DYNC2H1: variants seen among roughly 807,000 people sequenced by gnomAD.
The protein encoded by DYNC2H1 is dynein cytoplasmic 2 heavy chain 1.
In DYNC2H1, 410 loss-of-function variants were observed where a neutral mutation model predicts 570.0. The observed-to-expected ratio is 0.72, with a 90% CI of 0.66 to 0.78. DYNC2H1 has a LOEUF of 0.78. Among genes scored for constraint, DYNC2H1 ranks in the 30% least tolerant of loss-of-function variants. The pLI, the probability that DYNC2H1 is intolerant of heterozygous loss-of-function variation, is 0.00. For missense variants in DYNC2H1, 4,865 were observed against 5,046.4 expected (o/e 0.96, Z 1.09); for synonymous variants, 1,688 against 1,677.6 (o/e 1.01, Z -0.15).
chr11:103,293,821 A>G (rs1866708382), intron 75 of DYNC2H1, among the ~76,000 whole-genome samples: 1 of 152,126 alleles, frequency 6.6e-6, no homozygotes, highest in Non-Finnish European at 1.5e-5. Context: ...TCACACCTGT[A>G]ATCTCAGCAC....
intron 48 of DYNC2H1, among the ~76,000 whole-genome samples, 171 bp downstream of exon 48, chr11:103,198,234 A>G (rs1862578697): frequency 6.6e-6 from 1 of 152,216 alleles, no homozygotes; most frequent in Admixed American, 6.5e-5. Context: ...ATGTGCCTGT[A>G]CTTACATAGA....
intron 70 of DYNC2H1, among the ~76,000 whole-genome samples, chr11:103,271,309 T>C (rs968460696): frequency 1.3e-5 from 2 of 152,168 alleles, no homozygotes; most frequent in South Asian, 4.1e-4. Flanking sequence ...TAGAATTGTA[T>C]CTAATCCTTT....
chr11:103,236,593 T>C lies in DYNC2H1; in HGVS notation c.9819+54T>C, dbSNP rs904087125. 13 of 959,158 alleles carry C rather than the reference T, an allele frequency of 1.4e-5. No individual in the cohort carries two copies. The African/African-American group carries it at 1.8e-4, about 14-fold the overall frequency. The allele number at this position is 959,158 out of a possible 1,614,324, so 59.4% of individuals were successfully genotyped here. A position where few individuals can be genotyped will look rare whatever the true frequency, so the allele number is the denominator to read the frequency against. On this transcript the variant is annotated intron_variant, in intron 63 of 88. Coordinates refer to ENST00000375735, the MANE Select transcript of DYNC2H1 (RefSeq NM_001377.3). ...AGAAATGTTTTATTGTCAAGCTTGC[T>C]GTAGAAATTGTGTTCTTCGTATTCT...
Position 103,399,881 on chromosome 11 carries a change from G to A in DYNC2H1, c.12366+9G>A, listed in dbSNP as rs748872602. ...CTTTATTAAACCAAAAGGTAAGCGA[G>A]TACTAACTGTATGTATTTTTATTTC... On this transcript the variant is annotated intron_variant, in intron 84 of 88. Transcript: ENST00000375735. 5 of 1,599,672 alleles carry A rather than the reference G, an allele frequency of 3.1e-6. No homozygotes were observed. Among genetic ancestry groups the A allele is most frequent in the Middle Eastern group, 1.7e-4 (1 of 6,026 alleles).
At chr11:103,152,432 T>C (rs1860607747) in intron 21 of DYNC2H1, 147 bp downstream of exon 21, 1 of 696,438 alleles carries the variant, frequency 1.4e-6, no homozygotes, top group African/African-American at 1.9e-5. Context: ...TATAGTGAAA[T>C]ATATAAATGA....
Position 103,455,072 on chromosome 11 carries a change from C to A in DYNC2H1, c.12457-114C>A, listed in dbSNP as rs313875. 0.49 allele frequency: 318,791 copies of A among 647,014 alleles called. 80,742 individuals are homozygous for A. The highest frequency in any genetic ancestry group is 0.65 in the African/African-American group (35,588 of 54,514). The allele number at this position is 647,014 out of a possible 1,614,324, so 40.1% of individuals were successfully genotyped here. On this transcript the variant is annotated intron_variant, in intron 85 of 88. Transcript: ENST00000375735. ...GAAATGTTATATATATATTTTCTAG[C>A]TACCATTTCAGAGCATTTGGAAGCT...
intron 84 of DYNC2H1, among the ~76,000 whole-genome samples, chr11:103,401,837 A>G (rs1543113): frequency 0.51 from 77,612 of 151,972 alleles, 20,129 homozygotes; most frequent in African/African-American, 0.62. Context: ...GTATCATTGT[A>G]CAAAATAAGT....
rs1939303371 is a variant in DYNC2H1, at chr11:103,339,024, C to T, written c.12039+15034C>T. Reference sequence around the variant, plus strand: ...GTTACCATAGCTGTAGCTACTACAGCCATTTTAGCATTACCAGGTGCCCTA... The same window carrying T: ...GTTACCATAGCTGTAGCTACTACAGTCATTTTAGCATTACCAGGTGCCCTA... On this transcript the variant is annotated intron_variant, in intron 82 of 88. Coordinates refer to ENST00000375735, the MANE Select transcript of DYNC2H1 (RefSeq NM_001377.3). Among the ~76,000 whole-genome samples the T allele has an allele frequency of 2.6e-5, 4 of 152,148 alleles. No homozygotes were observed. The South Asian group carries it at 8.3e-4, about 32-fold the overall frequency.
At chr11:103,414,268 TTAA>T (rs1156469624) in intron 84 of DYNC2H1, among the ~76,000 whole-genome samples, 2 of 152,218 alleles carry the variant, frequency 1.3e-5, no homozygotes, top group African/African-American at 4.8e-5. Context: ...GGGAATGTTA[TTAA>T]TAATTTTATG....
Position 103,386,450 on chromosome 11 carries a change from C to CCACACACACACA in DYNC2H1, c.12157-13206_12157-13195dup, listed in dbSNP as rs111771901. Reference sequence around the variant, plus strand: ...GGCTCTCCTCATACTTTAAAACACACCACACACACACACACACAAAAGTAT... The same window carrying CCACACACACACA: ...GGCTCTCCTCATACTTTAAAACACACCACACACACACACACACACACACACACACAAAAGTAT... On this transcript the variant is annotated intron_variant, in intron 83 of 88. Coordinates refer to ENST00000375735, the MANE Select transcript of DYNC2H1 (RefSeq NM_001377.3). Among the ~76,000 whole-genome samples, 980 of 150,818 alleles carry CCACACACACACA rather than the reference C, an allele frequency of 6.5e-3. 8 individuals carry two copies. The highest frequency in any genetic ancestry group is 0.022 in the African/African-American group (916 of 41,116).
chr11:103,130,065 C>T (rs1859194581), intron 13 of DYNC2H1, among the ~76,000 whole-genome samples: 1 of 152,246 alleles, frequency 6.6e-6, no homozygotes, highest in East Asian at 1.9e-4. Context: ...GAGTCTTCTC[C>T]CAGTGGAATC....
chr11:103,271,714 AC>A (rs1389729852), intron 70 of DYNC2H1, among the ~76,000 whole-genome samples: 1 of 152,222 alleles, frequency 6.6e-6, no homozygotes, highest in Non-Finnish European at 1.5e-5. Context: ...AATGCTTACA[AC>A]AATTCTGTTA....
chr11:103,350,972 A>G (rs970358111), intron 82 of DYNC2H1, among the ~76,000 whole-genome samples: 3 of 152,206 alleles, frequency 2.0e-5, no homozygotes, highest in Non-Finnish European at 4.4e-5. Flanking sequence ...CATTTAGTCC[A>G]TAAATTAAAG....
chr11:103,260,247 G>A (rs1004844324), intron 70 of DYNC2H1, among the ~76,000 whole-genome samples: 1 of 152,132 alleles, frequency 6.6e-6, no homozygotes, highest in Non-Finnish European at 1.5e-5. Context: ...AATGACAATG[G>A]ATTATGTATC....
chr11:103,191,290 C>T (rs1862301798), intron 45 of DYNC2H1, among the ~76,000 whole-genome samples: 1 of 151,984 alleles, frequency 6.6e-6, no homozygotes, highest in Non-Finnish European at 1.5e-5. Flanking sequence ...TGCCCCCACT[C>T]AGCCTCTGAA....
chr11:103,368,901 T>G (rs765746503), intron 83 of DYNC2H1, among the ~76,000 whole-genome samples: 1 of 152,096 alleles, frequency 6.6e-6, no homozygotes, highest in Non-Finnish European at 1.5e-5. Context: ...TGGGCTGGAA[T>G]AAGATGGCAG....
intron 85 of DYNC2H1, among the ~76,000 whole-genome samples, chr11:103,440,064 G>C (rs1306942664): frequency 6.6e-6 from 1 of 151,998 alleles, no homozygotes; most frequent in East Asian, 1.9e-4. Flanking sequence ...GCTTTGGTTT[G>C]GTTCCTTTAT....
chr11:103,316,674 T>C, intron 80 of DYNC2H1, 54 bp downstream of exon 80: 1 of 1,297,080 alleles, frequency 7.7e-7, no homozygotes, highest in Non-Finnish European at 1.0e-6. Flanking sequence ...TTATCTGAGG[T>C]CTTATTAACT....
At chr11:103,174,280 GTA>G (rs1211293213) in intron 36 of DYNC2H1, 110 bp downstream of exon 36, 2 of 781,252 alleles carry the variant, frequency 2.6e-6, no homozygotes, top group Non-Finnish European at 3.8e-6. Flanking sequence ...AAGGATTACT[GTA>G]TACCCTGCCC....
Sources: allele counts gnomAD v4.1 joint callset (sites outside exome capture counted in the v4.1 genomes callset), GRCh38; gene constraint gnomAD v4.1.1; transcripts MANE v1.5; gene names NCBI Gene and HGNC (gene_info 2026-07-23, HGNC 2026-07-21).